IMMP2L: variants seen among roughly 807,000 people sequenced by gnomAD.
IMMP2L encodes the protein mitochondrial inner membrane protease subunit 2.
A neutral mutation model predicts 19.3 loss-of-function variants in IMMP2L; 18 were observed. That is an observed-to-expected ratio of 0.93 (90% CI 0.64 to 1.38). The LOEUF (loss-of-function observed/expected upper bound fraction) is 1.38. IMMP2L is among the 40% of genes most tolerant of loss of function. IMMP2L has a pLI of 0.00. For synonymous variants in IMMP2L, 76 were observed against 73.0 expected, an observed-to-expected ratio of 1.04 and a Z score of -0.21; for missense variants, 233 against 218.2, an observed-to-expected ratio of 1.07 and a Z score of -0.43.
At chr7:110,739,271 CA>C (rs1796839122) in intron 5 of IMMP2L, among the ~76,000 whole-genome samples, 1 of 152,054 alleles carries the variant, frequency 6.6e-6, no homozygotes, top group African/African-American at 2.4e-5. Flanking sequence ...TACAGAATGG[CA>C]GAATGTATAA....
intron 3 of IMMP2L, among the ~76,000 whole-genome samples, chr7:111,193,308 G>T (rs1027120796): frequency 6.6e-6 from 1 of 152,094 alleles, no homozygotes; most frequent in African/African-American, 2.4e-5. Context: ...GTATGCTCTT[G>T]ACAGTGGGTT....
chr7:110,947,297 G>C (rs1297480756), intron 4 of IMMP2L, among the ~76,000 whole-genome samples: 3 of 152,072 alleles, frequency 2.0e-5, no homozygotes, highest in African/African-American at 4.8e-5. Context: ...GGATGTTGCA[G>C]GTTTTAATAA....
chr7:110,670,411 C>T (rs993410855), intron 5 of IMMP2L, among the ~76,000 whole-genome samples: 5 of 152,114 alleles, frequency 3.3e-5, no homozygotes, highest in African/African-American at 9.7e-5. Context: ...GCTACGCAGC[C>T]GGGTGTGGTG....
chr7:111,466,117 T>G (rs1366180884), intron 3 of IMMP2L, among the ~76,000 whole-genome samples: 1 of 152,016 alleles, frequency 6.6e-6, no homozygotes, highest in Non-Finnish European at 1.5e-5. Flanking sequence ...CAGATGGGAA[T>G]TGAACAATGA....
intron 5 of IMMP2L, among the ~76,000 whole-genome samples, chr7:110,866,230 T>C (rs1407699000): frequency 1.3e-5 from 2 of 151,784 alleles, no homozygotes; most frequent in African/African-American, 2.4e-5. Context: ...GAAGAAAAGA[T>C]TAAAAGAACT....
intron 3 of IMMP2L, among the ~76,000 whole-genome samples, chr7:111,034,999 G>A (rs1791194015): frequency 6.6e-6 from 1 of 152,094 alleles, no homozygotes; most frequent in Non-Finnish European, 1.5e-5. Context: ...TTCCATTACA[G>A]ACCCTGTATG....
chr7:111,237,512 C>A (rs1163690680), intron 3 of IMMP2L, among the ~76,000 whole-genome samples: 7 of 151,568 alleles, frequency 4.6e-5, no homozygotes, highest in African/African-American at 1.5e-4. Context: ...CTATATATTA[C>A]CTTGTTAATA....
intron 3 of IMMP2L, among the ~76,000 whole-genome samples, chr7:111,265,974 C>T (rs1227664175): frequency 6.6e-6 from 1 of 152,114 alleles, no homozygotes; most frequent in Admixed American, 6.6e-5. Flanking sequence ...ATCCTAAAAT[C>T]ACAGCAGCCT....
At chr7:111,063,355 C>T (rs1225086043) in intron 3 of IMMP2L, among the ~76,000 whole-genome samples, 1 of 152,176 alleles carries the variant, frequency 6.6e-6, no homozygotes, top group Non-Finnish European at 1.5e-5. Context: ...AGCACAGTGA[C>T]TCTAGGCCTA....
intron 3 of IMMP2L, among the ~76,000 whole-genome samples, chr7:111,041,560 C>T (rs140673871): frequency 3.3e-5 from 5 of 151,148 alleles, no homozygotes; most frequent in South Asian, 4.2e-4. Context: ...TACGAGATAG[C>T]GTTTTCCTGA....
intron 3 of IMMP2L, among the ~76,000 whole-genome samples, chr7:111,250,169 G>A (rs762445840): frequency 1.1e-4 from 17 of 151,984 alleles, no homozygotes; most frequent in Non-Finnish European, 1.8e-4. Context: ...CCTACAAAGA[G>A]AATAAAATAC....
intron 4 of IMMP2L, among the ~76,000 whole-genome samples, chr7:110,898,227 T>C (rs1645144816): frequency 6.6e-6 from 1 of 151,706 alleles, no homozygotes; most frequent in South Asian, 2.1e-4. Context: ...TTAGCAGAAA[T>C]TAAAAAAGAA....
chr7:110,766,526 T>C (rs1378774886), intron 5 of IMMP2L, among the ~76,000 whole-genome samples: 1 of 139,868 alleles, frequency 7.1e-6, no homozygotes, highest in Non-Finnish European at 1.5e-5. Flanking sequence ...CAGGAGGCCG[T>C]AAGCCGAGAT....
chr7:111,489,360 G>A lies in IMMP2L; in HGVS notation c.136-2019C>T, dbSNP rs111697244. Among the ~76,000 whole-genome samples the A allele has an allele frequency of 6.3e-3, 961 of 151,984 alleles. 12 individuals are homozygous for A. The highest frequency in any genetic ancestry group is 0.02 in the African/African-American group (847 of 41,452). ...GCCTGGCCTCAGCCCACTTTTTGCT[G>A]CGGTTGTCCTTTCTTGCTGATTTGA... On this transcript the variant is annotated intron_variant, in intron 2 of 5. Transcript: ENST00000405709.
intron 3 of IMMP2L, among the ~76,000 whole-genome samples, chr7:111,186,365 T>C (rs1293306566): frequency 2.0e-5 from 3 of 152,162 alleles, no homozygotes; most frequent in African/African-American, 7.2e-5. Flanking sequence ...TCCTCTTTTC[T>C]GCCTAATATA....
intron 3 of IMMP2L, among the ~76,000 whole-genome samples, chr7:111,127,275 T>C (rs561718606): frequency 6.6e-6 from 1 of 152,264 alleles, no homozygotes; most frequent in African/African-American, 2.4e-5. Flanking sequence ...GGAGCCAAAA[T>C]ACAACCTATT....
intron 5 of IMMP2L, among the ~76,000 whole-genome samples, chr7:110,855,733 C>T (rs1806692365): frequency 6.6e-6 from 1 of 151,982 alleles, no homozygotes; most frequent in African/African-American, 2.4e-5. Context: ...CAAAATTCAT[C>T]TTCTTCAAGA....
intron 3 of IMMP2L, among the ~76,000 whole-genome samples, chr7:111,116,129 T>C (rs1301300102): frequency 6.6e-6 from 1 of 152,236 alleles, no homozygotes; most frequent in Non-Finnish European, 1.5e-5. Flanking sequence ...TTTAAGTTAC[T>C]ACTGGTTTCT....
At chr7:111,152,746 A>G (rs1255398098) in intron 3 of IMMP2L, among the ~76,000 whole-genome samples, 1 of 152,114 alleles carries the variant, frequency 6.6e-6, no homozygotes, top group Non-Finnish European at 1.5e-5. Flanking sequence ...CCGAAGTTTT[A>G]CTACAAAAAT....
Sources: gnomAD v4.1 joint callset for allele counts (sites outside exome capture counted in the v4.1 genomes callset) on GRCh38, gnomAD v4.1.1 for gene constraint, MANE v1.5 for transcripts, NCBI Gene and HGNC (gene_info 2026-07-23, HGNC 2026-07-21) for gene names.